Variants in LRP5 observed in about 807,000 individuals in gnomAD.
LRP5 encodes low-density lipoprotein receptor-related protein 5.
A neutral mutation model predicts 154.1 loss-of-function variants in LRP5; 62 were observed. The ratio of observed to expected loss-of-function variants is 0.40; its 90% CI spans 0.33 to 0.50. LRP5 has a LOEUF of 0.50. LRP5 is among the 20% of genes least tolerant of loss of function. The pLI is 0.55. For missense variants in LRP5, 1,915 were observed against 2,336.7 expected, an observed-to-expected ratio of 0.82 and a Z score of 3.72; for synonymous variants, 966 against 1,011.5, an observed-to-expected ratio of 0.96 and a Z score of 0.85.
rs1031984179 is a variant in LRP5, at chr11:68,385,775, C to T, written c.1016-541C>T. ...TGTCTGGCCCTGCCTAGGAGCCCCCCGGCACGGTGCTGGGGCCTGAAGCCG... is the reference window on the plus strand; with the variant it reads ...TGTCTGGCCCTGCCTAGGAGCCCCCTGGCACGGTGCTGGGGCCTGAAGCCG... On this transcript the variant is annotated intron_variant, in intron 5 of 22. Coordinates refer to ENST00000294304, the MANE Select transcript of LRP5 (RefSeq NM_002335.4). Among the ~76,000 whole-genome samples, 6 of 152,010 alleles carry T rather than the reference C, an allele frequency of 3.9e-5. No homozygotes were observed. In the East Asian group the frequency reaches 5.8e-4, roughly 15 times the overall value.
rs369356921 is a variant in LRP5 at position 68,316,517 on chromosome 11, C to T, written c.91+3712C>T. Among the ~76,000 whole-genome samples, 50 of 152,328 alleles carry T rather than the reference C, an allele frequency of 3.3e-4. No homozygotes were observed. In the South Asian group the frequency reaches 3.3e-3, roughly 10 times the overall value. ...GAACTCCTGACCTCAAGTGAGCTGC[C>T]GGCCTCGGCCTCCCAAAGTGCTGGG... On this transcript the variant is annotated intron_variant, in intron 1 of 22. Coordinates refer to ENST00000294304, the MANE Select transcript of LRP5 (RefSeq NM_002335.4).
At chr11:68,426,696 T>C (rs568150237) in intron 16 of LRP5, among the ~76,000 whole-genome samples, 1 of 152,226 alleles carries the variant, frequency 6.6e-6, no homozygotes, top group South Asian at 2.1e-4. Flanking sequence ...GTGCTAGGAT[T>C]ATAGGTGTGA....
intron 1 of LRP5, among the ~76,000 whole-genome samples, chr11:68,341,080 C>CTTTTTTTTTTTTTTTTTTTTTTTT (rs2098608853): frequency 1.8e-5 from 1 of 55,490 alleles, no homozygotes; most frequent in Admixed American, 2.2e-4. Flanking sequence ...TTTTTTTTTG[C>CTTTTTTTTTTTTTTTTTTTTTTTT]TATTACAAAT....
chr11:68,312,844 C>T (rs2098589509), intron 1 of LRP5, 39 bp downstream of exon 1: 13 of 993,530 alleles, frequency 1.3e-5, no homozygotes, highest in Non-Finnish European at 1.6e-5. Flanking sequence ...GCGGGTTGCT[C>T]GGACAATGGC....
chr11:68,299,601 T>C, the LRP5 span, among the ~76,000 whole-genome samples: 1 of 149,658 alleles, frequency 6.7e-6, no homozygotes, highest in African/African-American at 2.5e-5. Context: ...TTTTTTTTTT[T>C]TTTTGAGACA....
rs1191943772 is a variant in LRP5 at position 68,423,221 on chromosome 11, C to T, written c.3028-268C>T. On this transcript the variant is annotated intron_variant, in intron 13 of 22. Transcript: ENST00000294304. This position sits in a 1 kb window ranked among gnomAD's most constrained non-coding sequence, Gnocchi z 4.7. ...CTTCCAGAGGCTGTTGTCCTAATCG[C>T]TCTGGCATACTCAGGCGGGCACGTA... is the stretch of plus-strand genomic sequence containing the variant. 6.6e-6 allele frequency among the ~76,000 whole-genome samples: 1 copy of T among 152,220 alleles called. No homozygotes were observed. Among genetic ancestry groups the T allele is most frequent in the Non-Finnish European group, 1.5e-5 (1 of 68,040 alleles).
chr11:68,429,924 A>G (rs1457317985), intron 17 of LRP5, among the ~76,000 whole-genome samples: 2 of 151,996 alleles, frequency 1.3e-5, no homozygotes, highest in East Asian at 1.9e-4. Context: ...ATTTTGTTAC[A>G]TTTTCATTTT....
Position 68,363,819 on chromosome 11 carries a change from A to G in LRP5, c.759A>G (p.Thr253=). 6.2e-7 allele frequency: 1 copy of G among 1,613,110 alleles called. No individual in the cohort carries two copies. Among genetic ancestry groups the G allele is most frequent in the South Asian group, 1.1e-5 (1 of 91,054 alleles). ...LTLSGDTLYW[T]DWQTRSIHAC... is the part of the protein sequence containing the mutation. ...TCTCCGGGGACACTCTGTACTGGAC[A>G]GACTGGCAGACCCGCTCCATCCATG... is the stretch of plus-strand genomic sequence containing the variant. Residue 253 remains threonine, a synonymous_variant, in exon 4 of 23, where the codon ACA becomes ACG. Coordinates refer to ENST00000294304, the MANE Select transcript of LRP5 (RefSeq NM_002335.4).
intron 5 of LRP5, among the ~76,000 whole-genome samples, chr11:68,379,616 A>C (rs918385902): frequency 1.3e-5 from 2 of 152,214 alleles, no homozygotes; most frequent in Non-Finnish European, 2.9e-5. Flanking sequence ...TTGTATTTAT[A>C]GTCTTCGCTA....
In LRP5 at chr11:68,312,634, G is replaced by C. The variant is rs1449929729; in HGVS notation, c.-81G>C. On this transcript the variant is annotated 5_prime_UTR_variant, in exon 1 of 23. Coordinates refer to ENST00000294304, the MANE Select transcript of LRP5 (RefSeq NM_002335.4). ...GCCCGAGGGGGGAGGCGGAGGCGCC[G>C]GGAGCCGCGCGAGGAGCCGCCGCCG... The C allele has an allele frequency of 1.6e-6, 1 of 608,842 alleles. No homozygotes were observed. The highest frequency in any genetic ancestry group is 6.4e-5 in the Admixed American group (1 of 15,632). The allele number at this position is 608,842 out of a possible 1,614,324, so 37.7% of individuals were successfully genotyped here. A position where few individuals can be genotyped will look rare whatever the true frequency, so the allele number is the denominator to read the frequency against.
intron 13 of LRP5, among the ~76,000 whole-genome samples, chr11:68,419,638 C>T (rs1452083803): frequency 6.6e-6 from 1 of 151,058 alleles, no homozygotes; most frequent in African/African-American, 2.4e-5. Flanking sequence ...CTCCCAGGTT[C>T]AAGCGACTCT....
rs186010451 is a variant in LRP5 at position 68,367,036 on chromosome 11, G to A, written c.1015+1334G>A. On this transcript the variant is annotated intron_variant, in intron 5 of 22. Coordinates refer to ENST00000294304, the MANE Select transcript of LRP5 (RefSeq NM_002335.4). ...GGGGAGACGGCACAAGTGAGTCCAC[G>A]AGGGAGTCAGTGCATTAGAAAGGGT... 3.5e-3 allele frequency among the ~76,000 whole-genome samples: 526 copies of A among 152,250 alleles called. 2 individuals are homozygous for A. The highest frequency in any genetic ancestry group is 0.01 in the Middle Eastern group (3 of 292).
In LRP5 at chr11:68,438,864, C is replaced by T. The variant is rs4988333; in HGVS notation, c.4348+182C>T. ...TGCTTGGCATCAGAATCCTTCAACACAGAGGCCTGCATGGCTGTAGCAACC... is the reference window on the plus strand; with the variant it reads ...TGCTTGGCATCAGAATCCTTCAACATAGAGGCCTGCATGGCTGTAGCAACC... On this transcript the variant is annotated intron_variant, in intron 20 of 22. Coordinates refer to ENST00000294304, the MANE Select transcript of LRP5 (RefSeq NM_002335.4). Among the ~76,000 whole-genome samples, 9,015 of 152,322 alleles carry T rather than the reference C, an allele frequency of 0.059. 717 individuals carry two copies. The highest frequency in any genetic ancestry group is 0.18 in the African/African-American group (7,395 of 41,542).
intron 21 of LRP5, among the ~76,000 whole-genome samples, chr11:68,444,380 G>A (rs2098680314): frequency 6.6e-6 from 1 of 152,144 alleles, no homozygotes; most frequent in South Asian, 2.1e-4. Context: ...AGCTGGGTGT[G>A]GTGGCGCATG....
chr11:68,318,990 T>C (rs2153113290), intron 1 of LRP5, among the ~76,000 whole-genome samples: 1 of 152,196 alleles, frequency 6.6e-6, no homozygotes, highest in Admixed American at 6.5e-5. Context: ...TCCTGAGGCC[T>C]CTGGATCGCT....
chr11:68,405,798 A>G (rs2098655335), intron 8 of LRP5, among the ~76,000 whole-genome samples: 1 of 152,268 alleles, frequency 6.6e-6, no homozygotes, highest in Admixed American at 6.5e-5. Flanking sequence ...AAAAAGAGGC[A>G]GCTTTGGCCA....
At chr11:68,402,584 A>G (rs1057349237) in intron 7 of LRP5, among the ~76,000 whole-genome samples, 10 of 151,102 alleles carry the variant, frequency 6.6e-5, no homozygotes, top group African/African-American at 2.2e-4. Flanking sequence ...AGGTCCTTAC[A>G]TTTGCTCCAG....
At position 68,373,358 on chromosome 11, in the gene LRP5, C is replaced by T. The variant is rs114750586; in HGVS notation, c.1015+7656C>T. On this transcript the variant is annotated intron_variant, in intron 5 of 22. Coordinates refer to ENST00000294304, the MANE Select transcript of LRP5 (RefSeq NM_002335.4). The stretch of plus-strand genomic sequence containing the variant: ...AGCAGCGTTCCCAGGGGCACACAGG[C>T]GGCCTCCTAGAGGTAGGGATGCGTT... 3.4e-3 allele frequency among the ~76,000 whole-genome samples: 518 copies of T among 152,020 alleles called. 3 individuals are homozygous for T. The highest frequency in any genetic ancestry group is 0.012 in the African/African-American group (489 of 41,386).
intron 1 of LRP5, among the ~76,000 whole-genome samples, chr11:68,347,530 G>A (rs1053344909): frequency 2.0e-5 from 3 of 152,244 alleles, no homozygotes; most frequent in Admixed American, 6.5e-5. Flanking sequence ...TCTGGAGGAC[G>A]ATGTGGGAGG....
Sources: allele counts gnomAD v4.1 joint callset (sites outside exome capture counted in the v4.1 genomes callset), GRCh38; gene constraint gnomAD v4.1.1; non-coding constraint Gnocchi (gnomAD v3.1); transcripts MANE v1.5; gene names NCBI Gene and HGNC (gene_info 2026-07-23, HGNC 2026-07-21).